ALDH9A1: variants seen among roughly 807,000 people sequenced by gnomAD.
ALDH9A1 encodes the protein 4-trimethylaminobutyraldehyde dehydrogenase.
A neutral mutation model predicts 56.6 loss-of-function variants in ALDH9A1; 42 were observed. That is an observed-to-expected ratio of 0.74 (90% CI 0.58 to 0.96). The LOEUF is 0.96. Among genes scored for constraint, ALDH9A1 ranks in the 40% least tolerant of loss-of-function variants. The pLI is 0.00. For synonymous variants in ALDH9A1, 242 were observed against 236.0 expected, an observed-to-expected ratio of 1.03 and a Z score of -0.23; for missense variants, 661 against 651.5, an observed-to-expected ratio of 1.01 and a Z score of -0.16.
intron 3 of ALDH9A1, among the ~76,000 whole-genome samples, chr1:165,682,646 CA>C (rs4646893): frequency 2.0e-5 from 3 of 151,884 alleles, no homozygotes; most frequent in East Asian, 1.9e-4. Context: ...TATACACTGT[CA>C]AAAAAAAGTT....
rs1649171095 is a variant in ALDH9A1, at chr1:165,671,288, G to A, written c.931-1838C>T. On this transcript the variant is annotated intron_variant, in intron 6 of 10. Transcript: ENST00000354775. Reference sequence around the variant, plus strand: ...ACATGCACGCTTCTGGGAAGGGTCTGTCTCAGTCAGCTTTGCTCTATCGCT... The same window carrying A: ...ACATGCACGCTTCTGGGAAGGGTCTATCTCAGTCAGCTTTGCTCTATCGCT... The A allele has an allele frequency of 1.9e-5, 6 of 310,260 alleles. No individual in the cohort carries two copies. The Admixed American group carries it at 2.4e-4, about 13-fold the overall frequency. The allele number at this position is 310,260 out of a possible 1,614,324, so 19.2% of individuals were successfully genotyped here.
At chr1:165,669,126 G>T in intron 7 of ALDH9A1, 113 bp from the exon 8 acceptor site, 1 of 1,309,124 alleles carries the variant, frequency 7.6e-7, no homozygotes, top group Non-Finnish European at 1.1e-6. Flanking sequence ...CAGGTACAAA[G>T]CAGAACACAG....
At chr1:165,681,569 T>C (rs1649553098) in intron 4 of ALDH9A1, among the ~76,000 whole-genome samples, 1 of 152,248 alleles carries the variant, frequency 6.6e-6, no homozygotes, top group African/African-American at 2.4e-5. Flanking sequence ...CAATTTTTTC[T>C]AAGATAAAAT....
intron 6 of ALDH9A1, among the ~76,000 whole-genome samples, chr1:165,670,880 T>C (rs1649157030): frequency 6.6e-6 from 1 of 152,186 alleles, no homozygotes; most frequent in Admixed American, 6.5e-5. Flanking sequence ...AAAACCAACC[T>C]GGCCAACATG....
chr1:165,693,861 T>A (rs548881874), intron 2 of ALDH9A1, among the ~76,000 whole-genome samples: 18 of 152,268 alleles, frequency 1.2e-4, no homozygotes, highest in African/African-American at 4.3e-4. Context: ...GTGGCACATA[T>A]ATACCATGGA....
chr1:165,672,363 G>A (rs1195163716), intron 6 of ALDH9A1, among the ~76,000 whole-genome samples: 1 of 152,104 alleles, frequency 6.6e-6, no homozygotes, highest in African/African-American at 2.4e-5. Context: ...GCTACAACAT[G>A]GATGAACCTG....
chr1:165,688,416 T>G (rs185517710), intron 2 of ALDH9A1, among the ~76,000 whole-genome samples: 2 of 152,236 alleles, frequency 1.3e-5, no homozygotes, highest in African/African-American at 2.4e-5. Flanking sequence ...AAATGACTTA[T>G]GAGCACCAGA....
intron 10 of ALDH9A1, 88 bp downstream of exon 10, chr1:165,664,930 G>T: frequency 9.9e-7 from 1 of 1,010,556 alleles, no homozygotes; most frequent in Non-Finnish European, 1.5e-6. Context: ...CAGATATGCA[G>T]ACAGGTTTAG....
chr1:165,682,955 G>A (rs1368925638), intron 3 of ALDH9A1, 26 bp downstream of exon 3: 8 of 1,609,490 alleles, frequency 5.0e-6, no homozygotes, highest in South Asian at 1.1e-5. Context: ...TTATCAGCTG[G>A]TCACAGACAC....
chr1:165,683,445 A>AT (rs1175636282), intron 2 of ALDH9A1, among the ~76,000 whole-genome samples: 1 of 152,218 alleles, frequency 6.6e-6, no homozygotes, highest in Non-Finnish European at 1.5e-5. Context: ...TTTGAAGTGT[A>AT]TATTTATTGA....
intron 6 of ALDH9A1, 82 bp downstream of exon 6, chr1:165,679,360 G>A (rs1474544909): frequency 6.7e-7 from 1 of 1,499,634 alleles, no homozygotes; most frequent in African/African-American, 1.4e-5. Context: ...TGAAAGTATT[G>A]TAAAACAAAA....
chr1:165,673,897 C>T (rs2101740769), intron 6 of ALDH9A1, among the ~76,000 whole-genome samples: 1 of 152,216 alleles, frequency 6.6e-6, no homozygotes, highest in South Asian at 2.1e-4. Flanking sequence ...TACTGGACTG[C>T]ATTCCCAAGA....
chr1:165,670,206 G>A (rs1360380277), intron 6 of ALDH9A1, among the ~76,000 whole-genome samples: 1 of 152,194 alleles, frequency 6.6e-6, no homozygotes, highest in Non-Finnish European at 1.5e-5. Flanking sequence ...GACAAGGTGG[G>A]CGGATCACTT....
At chr1:165,667,530 C>G (rs113466612) in intron 8 of ALDH9A1, 80 bp from the exon 9 acceptor site, 4 of 1,504,694 alleles carry the variant, frequency 2.7e-6, no homozygotes, top group African/African-American at 1.4e-5. Context: ...TTTTGAAGAT[C>G]GGGTCTCACT....
intron 6 of ALDH9A1, chr1:165,671,374 TGAA>T: frequency 4.5e-6 from 2 of 448,538 alleles, no homozygotes; most frequent in South Asian, 3.2e-5. Context: ...TCTGACGACA[TGAA>T]GGAGCAGATT....
Position 165,695,276 on chromosome 1 carries a change from A to C in ALDH9A1, c.303T>G (p.Leu101=), listed in dbSNP as rs376362459. Residue 101 remains leucine, a synonymous_variant, in exon 2 of 11, where the codon CTT becomes CTG. Transcript: ENST00000354775. ...QKSGMERCRI[L]LEAARIIRER... is the part of the protein sequence containing the mutation. ...CCCTTATTATCCTGGCAGCCTCCAA[A>C]AGGATTCGGCAACGCTCCATGCCAG... 7 of 1,610,278 alleles carry C rather than the reference A, an allele frequency of 4.3e-6. No individual in the cohort carries two copies. The highest frequency in any genetic ancestry group is 5.9e-6 in the Non-Finnish European group (7 of 1,178,542).
At chr1:165,681,780 T>G (rs919182982) in intron 4 of ALDH9A1, among the ~76,000 whole-genome samples, 3 of 152,194 alleles carry the variant, frequency 2.0e-5, no homozygotes, top group Non-Finnish European at 4.4e-5. Context: ...ACCTTAAAAT[T>G]CTTGTCCAGA....
chr1:165,682,688 A>C, intron 3 of ALDH9A1: 1 of 356,388 alleles, frequency 2.8e-6, no homozygotes, highest in Non-Finnish European at 5.1e-6. Context: ...TAAATATGAC[A>C]AACCGATTCT....
At chr1:165,676,151 T>C (rs1201767223) in intron 6 of ALDH9A1, among the ~76,000 whole-genome samples, 3 of 152,122 alleles carry the variant, frequency 2.0e-5, no homozygotes, top group Non-Finnish European at 4.4e-5. Context: ...TATACAAACA[T>C]GTATTTCCCA....
Sources: allele counts gnomAD v4.1 joint callset (sites outside exome capture counted in the v4.1 genomes callset), GRCh38; gene constraint gnomAD v4.1.1; transcripts MANE v1.5; gene names NCBI Gene and HGNC (gene_info 2026-07-23, HGNC 2026-07-21).